Variants in CHCHD3 observed in about 807,000 individuals in gnomAD.
CHCHD3 encodes coiled-coil-helix-coiled-coil-helix domain containing 3.
A neutral mutation model predicts 38.2 loss-of-function variants in CHCHD3; 20 were observed. The ratio of observed to expected loss-of-function variants is 0.52; its 90% CI spans 0.37 to 0.76. The LOEUF is 0.76. Ranked by LOEUF, CHCHD3 falls within the 30% of genes least tolerant of loss-of-function variation. The pLI, the probability that CHCHD3 is intolerant of heterozygous loss-of-function variation, is 0.00. For synonymous variants in CHCHD3, 82 were observed against 100.0 expected (o/e 0.82, Z 1.07); for missense variants, 245 against 279.2 (o/e 0.88, Z 0.87).
chr7:133,027,644 G>A (rs1483623412), intron 2 of CHCHD3, among the ~76,000 whole-genome samples: 1 of 152,082 alleles, frequency 6.6e-6, no homozygotes, highest in Non-Finnish European at 1.5e-5. Context: ...CCTTCCAACT[G>A]TATACTATGC....
chr7:133,061,777 A>C (rs1302670157), intron 2 of CHCHD3, among the ~76,000 whole-genome samples: 2 of 152,258 alleles, frequency 1.3e-5, no homozygotes, highest in African/African-American at 4.8e-5. Flanking sequence ...CAGGGGAAGC[A>C]GGGCATATAG....
At chr7:132,904,596 T>C (rs1169138780) in intron 4 of CHCHD3, among the ~76,000 whole-genome samples, 1 of 152,102 alleles carries the variant, frequency 6.6e-6, no homozygotes, top group African/African-American at 2.4e-5. Context: ...AAACAACAGG[T>C]GCTGGAGAGG....
At chr7:132,911,183 C>T (rs577315599) in intron 4 of CHCHD3, among the ~76,000 whole-genome samples, 4 of 152,196 alleles carry the variant, frequency 2.6e-5, no homozygotes, top group African/African-American at 9.6e-5. Flanking sequence ...AACACATCAA[C>T]ACTAAAGCAA....
At chr7:133,048,777 C>A (rs1209951264) in intron 2 of CHCHD3, among the ~76,000 whole-genome samples, 1 of 152,144 alleles carries the variant, frequency 6.6e-6, no homozygotes, top group Non-Finnish European at 1.5e-5. Flanking sequence ...CCCAAGCGGG[C>A]CGCAAAAGAT....
In CHCHD3 at chr7:132,905,153, C is replaced by T. The variant is rs189095047; in HGVS notation, c.370-19408G>A. Among the ~76,000 whole-genome samples the T allele has an allele frequency of 1.4e-4, 21 of 151,854 alleles. 1 individual carries two copies. Among genetic ancestry groups the T allele is most frequent in the Middle Eastern group, 3.4e-3 (1 of 292 alleles). On this transcript the variant is annotated intron_variant, in intron 4 of 7. Coordinates refer to ENST00000262570, the MANE Select transcript of CHCHD3 (RefSeq NM_017812.4). The stretch of plus-strand genomic sequence containing the variant: ...TAGGATAAATACCTAATGTAAACGA[C>T]GAGTTAATGGGTGCAGCAAACCAAC...
chr7:132,965,767 T>G (rs1357094470), intron 4 of CHCHD3, among the ~76,000 whole-genome samples: 1 of 152,232 alleles, frequency 6.6e-6, no homozygotes, highest in Non-Finnish European at 1.5e-5. Context: ...CCCATGACAG[T>G]GACTAGTGTT....
At chr7:133,018,553 C>G (rs1813089204) in intron 3 of CHCHD3, among the ~76,000 whole-genome samples, 1 of 152,092 alleles carries the variant, frequency 6.6e-6, no homozygotes, top group South Asian at 2.1e-4. Context: ...AAATTACATG[C>G]AGGTTGAAGG....
At chr7:132,929,046 A>C (rs1490983956) in intron 4 of CHCHD3, among the ~76,000 whole-genome samples, 4 of 152,142 alleles carry the variant, frequency 2.6e-5, no homozygotes, top group African/African-American at 4.8e-5. Context: ...CCACCCAAAA[A>C]AACTACTTCT....
At chr7:132,955,216 T>TGTG (rs1811134128) in intron 4 of CHCHD3, among the ~76,000 whole-genome samples, 1 of 16,794 alleles carries the variant, frequency 6.0e-5, no homozygotes, top group Non-Finnish European at 1.7e-4. Context: ...GTGTGTGTGT[T>TGTG]GCGGGGTGGG....
chr7:132,821,693 A>G (rs1468020903), intron 6 of CHCHD3, among the ~76,000 whole-genome samples: 1 of 152,036 alleles, frequency 6.6e-6, no homozygotes, highest in Non-Finnish European at 1.5e-5. Context: ...TGTATCATTA[A>G]TAAGAATGGA....
chr7:132,899,852 C>G (rs924619012), intron 4 of CHCHD3, among the ~76,000 whole-genome samples: 1 of 152,204 alleles, frequency 6.6e-6, no homozygotes, highest in Non-Finnish European at 1.5e-5. Context: ...ACATTTCATG[C>G]GTTACATTTA....
At chr7:133,033,228 T>C (rs1417444644) in intron 2 of CHCHD3, among the ~76,000 whole-genome samples, 2 of 152,228 alleles carry the variant, frequency 1.3e-5, no homozygotes, top group Non-Finnish European at 1.5e-5. Context: ...TTTAAAACCA[T>C]GCAAAACATA....
At chr7:132,859,887 C>G (rs4731916) in intron 5 of CHCHD3, among the ~76,000 whole-genome samples, 35,109 of 152,132 alleles carry the variant, frequency 0.23, 4,239 homozygotes, top group South Asian at 0.26. Context: ...GATCTATATA[C>G]CCAGCCCAGA....
At chr7:132,895,885 CA>C (rs1306798875) in intron 4 of CHCHD3, among the ~76,000 whole-genome samples, 3 of 152,152 alleles carry the variant, frequency 2.0e-5, no homozygotes, top group African/African-American at 7.2e-5. Flanking sequence ...TGTTTGAGAT[CA>C]AATACAAAAA....
intron 3 of CHCHD3, among the ~76,000 whole-genome samples, chr7:133,009,382 A>T (rs2117407716): frequency 6.6e-6 from 1 of 151,018 alleles, no homozygotes; most frequent in African/African-American, 2.4e-5. Flanking sequence ...AAAAAAAAAA[A>T]AAGTACAGGA....
intron 4 of CHCHD3, among the ~76,000 whole-genome samples, chr7:132,966,234 C>T (rs886826656): frequency 2.6e-5 from 4 of 152,098 alleles, no homozygotes; most frequent in Non-Finnish European, 5.9e-5. Context: ...GTAATTCTGC[C>T]GTTTGGTATT....
At chr7:133,068,512 C>T (rs565629435) in intron 2 of CHCHD3, among the ~76,000 whole-genome samples, 1 of 152,300 alleles carries the variant, frequency 6.6e-6, no homozygotes, top group East Asian at 1.9e-4. Context: ...TTCTGTGTAC[C>T]ATGGAGAGCC....
Position 133,081,874 on chromosome 7 carries a change from C to T in CHCHD3, c.64G>A (p.Val22Met), listed in dbSNP as rs760690628. The change falls in exon 1 of 8, where the codon GTG becomes ATG. Residue 22 changes from valine to methionine, a missense_variant. Physicochemically the swap from Val to Met is conservative, Grantham distance 21. Coordinates refer to ENST00000262570, the MANE Select transcript of CHCHD3 (RefSeq NM_017812.4). Reference protein sequence around the residue: ...FEADENENITVVKGIRLSENV... With the variant: ...FEADENENITMVKGIRLSENV... Reference sequence around the variant, plus strand: ...GCACTCACCCGGATGCCCTTCACCACGGTGATGTTCTCATTCTCGTCCGCC... The same window carrying T: ...GCACTCACCCGGATGCCCTTCACCATGGTGATGTTCTCATTCTCGTCCGCC... 6 of 1,555,672 alleles carry T rather than the reference C, an allele frequency of 3.9e-6. No homozygotes were observed. Among genetic ancestry groups the T allele is most frequent in the Non-Finnish European group, 1.7e-6 (2 of 1,149,114 alleles).
intron 2 of CHCHD3, among the ~76,000 whole-genome samples, chr7:133,043,349 T>C (rs1002427248): frequency 3.3e-5 from 5 of 152,064 alleles, no homozygotes; most frequent in East Asian, 1.9e-4. Flanking sequence ...GTTTCAAAAA[T>C]AGACAAAATC....
Sources: gnomAD v4.1 joint callset for allele counts (sites outside exome capture counted in the v4.1 genomes callset) on GRCh38, gnomAD v4.1.1 for gene constraint, MANE v1.5 for transcripts, NCBI Gene and HGNC (gene_info 2026-07-23, HGNC 2026-07-21) for gene names.